DACH2: variants seen among roughly 807,000 people sequenced by gnomAD.
DACH2 encodes dachshund homolog 2.
A neutral mutation model predicts 35.8 loss-of-function variants in DACH2; 17 were observed. That is an observed-to-expected ratio of 0.48 (90% CI 0.33 to 0.71). The LOEUF (loss-of-function observed/expected upper bound fraction) is 0.71, where lower values mean the gene tolerates loss of function less well. Among genes scored for constraint, DACH2 ranks in the 30% least tolerant of loss-of-function variants. The pLI is 0.02. For missense variants in DACH2, 469 were observed against 472.7 expected (o/e 0.99, Z 0.07); for synonymous variants, 195 against 177.3 (o/e 1.10, Z -0.79).
chrX:86,292,734 T>C (rs1173670239), intron 1 of DACH2, among the ~76,000 whole-genome samples: 1 of 111,873 alleles, frequency 8.9e-6, no homozygotes, highest in Non-Finnish European at 1.9e-5. Flanking sequence ...AGTTGAGCGG[T>C]TTTGAGTGAG....
intron 3 of DACH2, among the ~76,000 whole-genome samples, chrX:86,610,498 T>A (rs1427278733): frequency 6.6e-5 from 7 of 106,357 alleles, no homozygotes; most frequent in African/African-American, 2.4e-4. Flanking sequence ...GTGCAGTGGC[T>A]CAATCTTGGC....
chrX:86,260,565 C>G (rs1235084947), intron 1 of DACH2, among the ~76,000 whole-genome samples: 2 of 111,979 alleles, frequency 1.8e-5, no homozygotes, highest in African/African-American at 6.5e-5. Context: ...GAAATCATAC[C>G]AAAAACCCAG....
intron 7 of DACH2, among the ~76,000 whole-genome samples, chrX:86,767,933 GTTGT>G (rs1569479964): frequency 9.0e-6 from 1 of 110,993 alleles, no homozygotes; most frequent in South Asian, 3.7e-4. Flanking sequence ...TTGTTTGTTT[GTTGT>G]TTGTTTTTTG....
At chrX:86,634,687 A>G (rs2040241580) in intron 3 of DACH2, among the ~76,000 whole-genome samples, 1 of 111,849 alleles carries the variant, frequency 8.9e-6, no homozygotes, top group Non-Finnish European at 1.9e-5. Flanking sequence ...AATCCCATTT[A>G]TAATAGCTAC....
At chrX:86,395,167 T>C (rs188823267) in intron 2 of DACH2, among the ~76,000 whole-genome samples, 1 of 111,421 alleles carries the variant, frequency 9.0e-6, no homozygotes, top group African/African-American at 3.3e-5. Context: ...TTTATAATGA[T>C]GATCTCTAAC....
intron 1 of DACH2, among the ~76,000 whole-genome samples, chrX:86,285,055 T>G (rs1305509388): frequency 1.8e-5 from 2 of 112,012 alleles, no homozygotes. Flanking sequence ...TCTTTTTTAT[T>G]TATTTGAATC....
intron 3 of DACH2, among the ~76,000 whole-genome samples, chrX:86,640,376 G>A (rs760515380): frequency 9.0e-6 from 1 of 111,609 alleles, no homozygotes; most frequent in Admixed American, 9.5e-5. Context: ...CACAAGGAGA[G>A]GCCAGTCAGT....
rs1164797644 is a variant in DACH2, at chrX:86,511,693, A to G, written c.528-2586A>G. On this transcript the variant is annotated intron_variant, in intron 2 of 11. Transcript: ENST00000373125. ...CACACGCTTAATGGGTACCTAGTGC[A>G]TGTTTGTTTACTAGATGACTGAATA... Among the ~76,000 whole-genome samples, 3 of 111,655 alleles carry G rather than the reference A, an allele frequency of 2.7e-5. No homozygotes were observed. The East Asian group carries it at 8.5e-4, about 32-fold the overall frequency.
At chrX:86,387,302 G>A (rs1330617700) in intron 2 of DACH2, among the ~76,000 whole-genome samples, 1 of 111,458 alleles carries the variant, frequency 9.0e-6, no homozygotes, top group Non-Finnish European at 1.9e-5. Context: ...CCTATAATTT[G>A]TTAATTTGCT....
In DACH2 at chrX:86,346,350, A is replaced by G. The variant is rs757007664; in HGVS notation, c.489-30474A>G. On this transcript the variant is annotated intron_variant, in intron 1 of 11. Transcript: ENST00000373125. ...TAATTGCATTGCACTACTGATACCT[A>G]CAGCAGGTATCACTTTCGCATCTCA... Among the ~76,000 whole-genome samples, 5 of 109,424 alleles carry G rather than the reference A, an allele frequency of 4.6e-5. No individual in the cohort carries two copies. In the South Asian group the frequency reaches 1.2e-3, roughly 26 times the overall value.
chrX:86,206,846 G>T (rs921153211), intron 1 of DACH2, among the ~76,000 whole-genome samples: 1 of 111,911 alleles, frequency 8.9e-6, no homozygotes, highest in African/African-American at 3.3e-5. Flanking sequence ...TCAGTAACCC[G>T]AAGAGGCTAA....
chrX:86,662,509 C>A (rs1472108639), intron 4 of DACH2, among the ~76,000 whole-genome samples: 1 of 110,600 alleles, frequency 9.0e-6, no homozygotes, highest in African/African-American at 3.3e-5. Context: ...AGGAGAATAG[C>A]TTGAACCAGG....
chrX:86,384,921 G>A (rs1336647060), intron 2 of DACH2, among the ~76,000 whole-genome samples: 3 of 111,550 alleles, frequency 2.7e-5, no homozygotes, highest in South Asian at 3.7e-4. Context: ...ACAATTAGGA[G>A]AGTTTAAAAA....
At chrX:86,725,781 G>A (rs185700830) in intron 6 of DACH2, among the ~76,000 whole-genome samples, 22 of 111,344 alleles carry the variant, frequency 2.0e-4, no homozygotes, top group Non-Finnish European at 4.0e-4. Flanking sequence ...GTTCATGCTC[G>A]TGTTGCTGGT....
intron 1 of DACH2, among the ~76,000 whole-genome samples, chrX:86,149,737 A>G (rs1382575846): frequency 8.9e-6 from 1 of 112,395 alleles, no homozygotes; most frequent in Non-Finnish European, 1.9e-5. Flanking sequence ...TTGCTGCGCA[A>G]AGCTCCCCAG....
intron 9 of DACH2, among the ~76,000 whole-genome samples, chrX:86,813,485 G>T (rs1354288418): frequency 1.9e-5 from 2 of 106,040 alleles, no homozygotes; most frequent in African/African-American, 6.8e-5. Context: ...GGTGGTGGGC[G>T]CCTGTAGTCG....
chrX:86,358,652 G>A (rs1240281869), intron 1 of DACH2, among the ~76,000 whole-genome samples: 18 of 111,255 alleles, frequency 1.6e-4, no homozygotes, highest in African/African-American at 5.9e-4. Context: ...AAGATGGCAA[G>A]GTTAGGTAGT....
intron 2 of DACH2, among the ~76,000 whole-genome samples, chrX:86,439,586 A>G (rs773822809): frequency 9.0e-6 from 1 of 111,589 alleles, no homozygotes; most frequent in South Asian, 3.7e-4. Flanking sequence ...ACCATGTGAG[A>G]TAAGGGCTCA....
At chrX:86,592,083 T>C (rs1490333281) in intron 3 of DACH2, among the ~76,000 whole-genome samples, 2 of 111,233 alleles carry the variant, frequency 1.8e-5, no homozygotes, top group Non-Finnish European at 3.8e-5. Flanking sequence ...GTGTTATATC[T>C]AAAAAGTCTT....
Sources: allele counts gnomAD v4.1 joint callset (sites outside exome capture counted in the v4.1 genomes callset), GRCh38; gene constraint gnomAD v4.1.1; transcripts MANE v1.5; gene names NCBI Gene and HGNC (gene_info 2026-07-23, HGNC 2026-07-21).